Variants in RGS6 observed in about 807,000 individuals in gnomAD.
RGS6 encodes the protein regulator of G-protein signaling 6.
Under a neutral mutation model 78.5 loss-of-function variants are expected in RGS6, and 30 were observed. That is an observed-to-expected ratio of 0.38 (90% CI 0.29 to 0.52). The LOEUF is 0.52. RGS6 is among the 20% of genes least tolerant of loss of function. The pLI, the probability that RGS6 is intolerant of heterozygous loss-of-function variation, is 0.85. For missense variants in RGS6, 495 were observed against 609.7 expected (o/e 0.81, Z 1.98); for synonymous variants, 206 against 206.0 (o/e 1.00, Z 0.00).
At chr14:72,569,991 A>G (rs2097718442), downstream of RGS6, among the ~76,000 whole-genome samples, 1 of 152,208 alleles carries the variant, frequency 6.6e-6, no homozygotes, top group African/African-American at 2.4e-5. Context: ...AGCCCGTTTG[A>G]GAAAGCATAT....
rs150137531 is a variant in RGS6 at position 72,314,962 on chromosome 14, A to G, written c.85-37133A>G. On this transcript the variant is annotated intron_variant, in intron 2 of 17. Coordinates refer to ENST00000553525, the MANE Select transcript of RGS6 (RefSeq NM_001204424.2). ...CACACGACCAGAAATTGTGTGAAACATTGCTTTGGGATGGATGGTGCCCGT... is the reference window on the plus strand; with the variant it reads ...CACACGACCAGAAATTGTGTGAAACGTTGCTTTGGGATGGATGGTGCCCGT... Among the ~76,000 whole-genome samples the G allele has an allele frequency of 3.9e-3, 589 of 152,322 alleles. 2 individuals are homozygous for G. The highest frequency in any genetic ancestry group is 0.013 in the African/African-American group (556 of 41,548).
chr14:71,967,057 T>G (rs1241137333), intron 2 of RGS6, among the ~76,000 whole-genome samples: 1 of 151,998 alleles, frequency 6.6e-6, no homozygotes, highest in Non-Finnish European at 1.5e-5. Flanking sequence ...GGTTTTTACT[T>G]TTTGGTGGTA....
intron 2 of RGS6, among the ~76,000 whole-genome samples, chr14:72,188,696 G>A (rs570792039): frequency 2.0e-5 from 3 of 152,156 alleles, no homozygotes; most frequent in African/African-American, 7.2e-5. Context: ...CCTGTGTTGC[G>A]ACACAGCCTC....
At chr14:72,361,151 A>G (rs1201127095) in intron 3 of RGS6, among the ~76,000 whole-genome samples, 1 of 148,928 alleles carries the variant, frequency 6.7e-6, no homozygotes, top group Non-Finnish European at 1.5e-5. Flanking sequence ...GTGAGAATGT[A>G]CTAATACAGT....
At chr14:72,178,753 A>C (rs1280307618) in intron 2 of RGS6, among the ~76,000 whole-genome samples, 1 of 152,194 alleles carries the variant, frequency 6.6e-6, no homozygotes, top group Admixed American at 6.5e-5. Context: ...GGACTATGAC[A>C]AAACAGAGTG....
At chr14:72,528,912 G>T (rs2097149533) in intron 15 of RGS6, among the ~76,000 whole-genome samples, 1 of 152,162 alleles carries the variant, frequency 6.6e-6, no homozygotes, top group African/African-American at 2.4e-5. Context: ...AATCAGCAGA[G>T]GTCACTGCCA....
intron 3 of RGS6, among the ~76,000 whole-genome samples, chr14:72,372,455 C>T (rs12883026): frequency 0.038 from 5,805 of 152,224 alleles, 143 homozygotes; most frequent in Non-Finnish European, 0.056. Context: ...CCTGTATGTT[C>T]CTCAGATAAT....
chr14:72,611,019 C>A, the RGS6 span, among the ~76,000 whole-genome samples: 5 of 152,232 alleles, frequency 3.3e-5, no homozygotes, highest in African/African-American at 9.6e-5. Context: ...CACAGCCAAG[C>A]CTTGTGTCCC....
intron 2 of RGS6, among the ~76,000 whole-genome samples, chr14:72,074,354 C>T (rs1277146262): frequency 6.6e-6 from 1 of 152,082 alleles, no homozygotes; most frequent in Non-Finnish European, 1.5e-5. Flanking sequence ...TGCCACCATA[C>T]CTAGCTGATT....
At chr14:71,938,448 A>G (rs1566869439) in intron 1 of RGS6, among the ~76,000 whole-genome samples, 2 of 152,280 alleles carry the variant, frequency 1.3e-5, no homozygotes, top group East Asian at 1.9e-4. Flanking sequence ...AAAGGCCTGT[A>G]GTGCTGCAGC....
At chr14:72,318,607 G>GCC (rs2070986125) in intron 2 of RGS6, among the ~76,000 whole-genome samples, 1 of 152,200 alleles carries the variant, frequency 6.6e-6, no homozygotes, top group Non-Finnish European at 1.5e-5. Flanking sequence ...TGGAACGAAA[G>GCC]CTCAGGAAGG....
intron 15 of RGS6, among the ~76,000 whole-genome samples, chr14:72,526,028 T>C (rs963545687): frequency 1.3e-5 from 2 of 152,216 alleles, no homozygotes; most frequent in African/African-American, 2.4e-5. Flanking sequence ...CCAAAATTTC[T>C]TGGTTGCTAC....
chr14:72,257,447 T>G (rs898545439), intron 2 of RGS6, among the ~76,000 whole-genome samples: 2 of 152,152 alleles, frequency 1.3e-5, no homozygotes, highest in Non-Finnish European at 1.5e-5. Flanking sequence ...TGCAGGAATC[T>G]TTTGGGTTTC....
chr14:72,377,105 G>C (rs1312498748), intron 3 of RGS6, among the ~76,000 whole-genome samples: 1 of 152,068 alleles, frequency 6.6e-6, no homozygotes, highest in African/African-American at 2.4e-5. Flanking sequence ...TTTAGATGTA[G>C]ACTGACTGAA....
At chr14:72,573,178 A>G in the RGS6 span, among the ~76,000 whole-genome samples, 1 of 152,232 alleles carries the variant, frequency 6.6e-6, no homozygotes, top group Non-Finnish European at 1.5e-5. Context: ...CCTTCCTTAT[A>G]GGAAAAAAGG....
chr14:72,414,063 C>G (rs967621041), intron 3 of RGS6, among the ~76,000 whole-genome samples: 12 of 152,228 alleles, frequency 7.9e-5, no homozygotes, highest in South Asian at 2.1e-4. Flanking sequence ...TTGCTCTTCT[C>G]AAGGAGTATC....
At chr14:72,229,138 C>T (rs903387276) in intron 2 of RGS6, among the ~76,000 whole-genome samples, 3 of 152,262 alleles carry the variant, frequency 2.0e-5, no homozygotes, top group Admixed American at 6.5e-5. Flanking sequence ...CCAATAGTAA[C>T]GTCTTGCAAA....
chr14:72,283,576 C>G (rs751264178), intron 2 of RGS6, among the ~76,000 whole-genome samples: 1 of 152,184 alleles, frequency 6.6e-6, no homozygotes, highest in Non-Finnish European at 1.5e-5. Flanking sequence ...GTAAGACATG[C>G]CTTTTGCCTT....
intron 1 of RGS6, among the ~76,000 whole-genome samples, chr14:71,933,689 C>T (rs2088337545): frequency 6.6e-6 from 1 of 152,102 alleles, no homozygotes; most frequent in South Asian, 2.1e-4. Context: ...TCATTGAGAC[C>T]AGTAGCATTT....
Sources: gnomAD v4.1 joint callset for allele counts (sites outside exome capture counted in the v4.1 genomes callset) on GRCh38, gnomAD v4.1.1 for gene constraint, MANE v1.5 for transcripts, NCBI Gene and HGNC (gene_info 2026-07-23, HGNC 2026-07-21) for gene names.